The following USP54 variants were observed in gnomAD, a reference collection of about 807,000 sequenced individuals.
USP54 encodes the protein ubiquitin specific peptidase 54.
USP54 carries 87 observed loss-of-function variants against 170.5 expected under a neutral mutation model. The ratio of observed to expected loss-of-function variants is 0.51; its 90% CI spans 0.43 to 0.61. The LOEUF (loss-of-function observed/expected upper bound fraction) is 0.61, where lower values mean the gene tolerates loss of function less well. USP54 is among the 20% of genes least tolerant of loss of function. USP54 has a pLI of 0.00. For missense variants in USP54, 1,786 were observed against 2,047.8 expected, an observed-to-expected ratio of 0.87 and a Z score of 2.47; for synonymous variants, 655 against 742.8, an observed-to-expected ratio of 0.88 and a Z score of 1.92.
At chr10:73,625,511 C>T (rs1306439418) in intron 1 of USP54, 1 of 152,264 alleles carries the variant, frequency 6.6e-6, no homozygotes, top group African/African-American at 2.4e-5. Flanking sequence ...TCCCTCCACC[C>T]CTCTAACCAG....
intron 19 of USP54, 94 bp downstream of exon 19, chr10:73,519,703 T>C: frequency 6.4e-7 from 1 of 1,558,988 alleles, no homozygotes; most frequent in Non-Finnish European, 8.7e-7. Context: ...TCTCTCCCCT[T>C]CAGTCGCCAA....
chr10:73,524,999 T>G (rs566801557), intron 16 of USP54, among the ~76,000 whole-genome samples: 1 of 152,298 alleles, frequency 6.6e-6, no homozygotes, highest in East Asian at 1.9e-4. Flanking sequence ...CACAGCAGTA[T>G]AAGTCCAATT....
At position 73,505,741 on chromosome 10, in the gene USP54, G is replaced by C. The variant is rs1193665276; in HGVS notation, c.4052-315C>G. 7.5e-5 allele frequency: 14 copies of C among 187,438 alleles called. No homozygotes were observed. The Admixed American group carries it at 8.6e-4, about 11-fold the overall frequency. The allele number at this position is 187,438 out of a possible 1,614,324, so 11.6% of individuals were successfully genotyped here. A position where few individuals can be genotyped will look rare whatever the true frequency, so the allele number is the denominator to read the frequency against. ...AAAAATTAGCCGGGCGTGGTGGCAG[G>C]CACCTGTAATCCCAGCTACTCGGGA... is the stretch of plus-strand genomic sequence containing the variant. On this transcript the variant is annotated intron_variant, in intron 20 of 23. Coordinates refer to ENST00000687698, the MANE Select transcript of USP54 (RefSeq NM_001391956.1).
chr10:73,571,352 C>A (rs2075165985), intron 4 of USP54, 69 bp downstream of exon 4: 1 of 1,356,946 alleles, frequency 7.4e-7, no homozygotes, highest in Non-Finnish European at 1.0e-6. Context: ...CCTGATTAAC[C>A]AAACCACCTT....
At chr10:73,600,609 G>A (rs929521759) in intron 1 of USP54, among the ~76,000 whole-genome samples, 4 of 152,204 alleles carry the variant, frequency 2.6e-5, no homozygotes, top group Admixed American at 6.5e-5. Flanking sequence ...AGGAGGGTGA[G>A]AGTCAAAAAA....
At chr10:73,551,204 T>C (rs1173085207) in intron 4 of USP54, among the ~76,000 whole-genome samples, 2 of 152,198 alleles carry the variant, frequency 1.3e-5, no homozygotes, top group Non-Finnish European at 2.9e-5. Flanking sequence ...CAGATTACTG[T>C]GTAACCTGCT....
intron 20 of USP54, among the ~76,000 whole-genome samples, chr10:73,514,159 T>C (rs1268953919): frequency 2.6e-5 from 4 of 152,122 alleles, no homozygotes; most frequent in Non-Finnish European, 5.9e-5. Flanking sequence ...GGTTTCATCA[T>C]GTTAGCCAGG....
chr10:73,607,338 A>AAAG (rs776827787), intron 1 of USP54, among the ~76,000 whole-genome samples: 5,066 of 40,912 alleles, frequency 0.12, 134 homozygotes, highest in South Asian at 0.32. Flanking sequence ...AAAAAAAAAG[A>AAAG]AAAAAAAAAA....
At chr10:73,555,561 TG>T (rs1299733406) in intron 4 of USP54, among the ~76,000 whole-genome samples, 2 of 152,146 alleles carry the variant, frequency 1.3e-5, no homozygotes, top group African/African-American at 4.8e-5. Flanking sequence ...GAGACAGAGA[TG>T]GGCCAAATTC....
rs1020693572 is a variant in USP54 at position 73,545,445 on chromosome 10, G to T, written c.375+93C>A. 96 of 1,508,014 alleles carry T rather than the reference G, an allele frequency of 6.4e-5. No homozygotes were observed. In the African/African-American group the frequency reaches 1.1e-3, roughly 18 times the overall value. 93.4% of individuals were successfully genotyped at this position (1,508,014 alleles called of 1,614,324 possible). The stretch of plus-strand genomic sequence containing the variant: ...CCTAGTTCTAACTGTAGAGATAAGG[G>T]CACAGCAAATTCCACCATAAAGTAG... On this transcript the variant is annotated intron_variant, in intron 5 of 23. Transcript: ENST00000687698.
At chr10:73,565,431 C>T (rs1195058768) in intron 4 of USP54, among the ~76,000 whole-genome samples, 1 of 151,704 alleles carries the variant, frequency 6.6e-6, no homozygotes, top group South Asian at 2.1e-4. Flanking sequence ...CAAGAGGATT[C>T]CTTGAGCCCA....
chr10:73,615,772 T>G (rs2080574899), intron 1 of USP54, among the ~76,000 whole-genome samples: 1 of 148,946 alleles, frequency 6.7e-6, no homozygotes, highest in Admixed American at 6.6e-5. Context: ...AATACAAAAA[T>G]TAGCTGGTCA....
At chr10:73,535,568 T>C (rs764136712) in intron 11 of USP54, among the ~76,000 whole-genome samples, 6 of 152,218 alleles carry the variant, frequency 3.9e-5, no homozygotes, top group Non-Finnish European at 8.8e-5. Context: ...CTCAAATATA[T>C]TATAAGATTC....
chr10:73,605,809 A>G (rs1175336306), intron 1 of USP54, among the ~76,000 whole-genome samples: 1 of 152,068 alleles, frequency 6.6e-6, no homozygotes, highest in African/African-American at 2.4e-5. Flanking sequence ...AGAAAGTTGG[A>G]TGGTGGTGGC....
At position 73,536,312 on chromosome 10, in the gene USP54, C is replaced by G. The variant is rs962172063; in HGVS notation, c.1101G>C (p.Glu367Asp). 5.0e-6 allele frequency: 8 copies of G among 1,614,018 alleles called. No individual in the cohort carries two copies. The African/African-American group carries it at 9.3e-5, about 19-fold the overall frequency. Reference sequence around the variant, plus strand: ...AGCATGTCCTGCTGTATGACTGGAACTCAGCTTGGGGAGGCAGGTCCTGGG... The same window carrying G: ...AGCATGTCCTGCTGTATGACTGGAAGTCAGCTTGGGGAGGCAGGTCCTGGG... ...VSTQDLPPQA[E>D]FQSYSRTCYD... Residue 367 changes from glutamate (E) to aspartate (D), a missense_variant, in exon 11 of 24, where the codon GAG becomes GAC. By Grantham distance (45) the Glu-to-Asp change is conservative. This residue lies in a region of USP54 where 361 missense variants were observed against 455.0 expected (regional missense o/e 0.79). Coordinates refer to ENST00000687698, the MANE Select transcript of USP54 (RefSeq NM_001391956.1).
chr10:73,561,057 AT>A (rs2072834661), intron 4 of USP54, among the ~76,000 whole-genome samples: 1 of 148,154 alleles, frequency 6.7e-6, no homozygotes, highest in African/African-American at 2.5e-5. Flanking sequence ...GTGAGCCGAG[AT>A]CATGCTATTG....
chr10:73,539,927 A>C (rs530338354), intron 9 of USP54, among the ~76,000 whole-genome samples: 1 of 151,748 alleles, frequency 6.6e-6, no homozygotes, highest in East Asian at 2.0e-4. Flanking sequence ...GGTATTCGAG[A>C]CCAGCCTGGC....
At chr10:73,538,627 T>G (rs1303065537) in intron 10 of USP54, among the ~76,000 whole-genome samples, 1 of 151,234 alleles carries the variant, frequency 6.6e-6, no homozygotes, top group East Asian at 2.0e-4. Context: ...CCAGCCTGGG[T>G]AACATCTCTA....
At position 73,552,643 on chromosome 10, in the gene USP54, TA is replaced by T. The variant is rs1197928972; in HGVS notation, c.241-6972del. On this transcript the variant is annotated intron_variant, in intron 4 of 23. Coordinates refer to ENST00000687698, the MANE Select transcript of USP54 (RefSeq NM_001391956.1). ...CCATCTCTACTAAAATTACAAAAAT[TA>T]GCCAGGTGTGGTGGCAATCACCTGT... Among the ~76,000 whole-genome samples, 27 of 151,628 alleles carry T rather than the reference TA, an allele frequency of 1.8e-4. No homozygotes were observed. In the East Asian group the frequency reaches 2.0e-3, roughly 11 times the overall value.
Sources: allele counts gnomAD v4.1 joint callset (sites outside exome capture counted in the v4.1 genomes callset), GRCh38; gene constraint gnomAD v4.1.1; regional missense constraint gnomAD v4.1.1; transcripts MANE v1.5; gene names NCBI Gene and HGNC (gene_info 2026-07-23, HGNC 2026-07-21).